ACADM: variants seen among roughly 807,000 people sequenced by gnomAD.
ACADM encodes medium-chain specific acyl-CoA dehydrogenase, mitochondrial.
A neutral mutation model predicts 58.9 loss-of-function variants in ACADM; 49 were observed. The observed-to-expected ratio is 0.83, with a 90% confidence interval of 0.66 to 1.06. The LOEUF is 1.06. Ranked by LOEUF, ACADM falls within the 50% of genes least tolerant of loss-of-function variation. ACADM has a pLI of 0.00. For missense variants in ACADM, 496 were observed against 507.0 expected, an observed-to-expected ratio of 0.98 and a Z score of 0.21; for synonymous variants, 160 against 157.7, an observed-to-expected ratio of 1.01 and a Z score of -0.11.
intron 6 of ACADM, among the ~76,000 whole-genome samples, chr1:75,736,309 A>C (rs1647263836): frequency 6.6e-6 from 1 of 152,168 alleles, no homozygotes; most frequent in Admixed American, 6.5e-5. Flanking sequence ...CAGTAGATGT[A>C]TTAGTTTTGA....
chr1:75,742,172 C>T (rs1647610279), intron 7 of ACADM, among the ~76,000 whole-genome samples: 1 of 148,740 alleles, frequency 6.7e-6, no homozygotes, highest in South Asian at 2.2e-4. Context: ...CCCCAGGCCT[C>T]ACTTCTTGGC....
At chr1:75,729,090 A>C (rs1647101404) in intron 2 of ACADM, among the ~76,000 whole-genome samples, 1 of 152,052 alleles carries the variant, frequency 6.6e-6, no homozygotes, top group Non-Finnish European at 1.5e-5. Flanking sequence ...CCATTTACTC[A>C]ATTTATTTGG....
At chr1:75,752,755 G>A (rs1369679358) in intron 10 of ACADM, among the ~76,000 whole-genome samples, 1 of 151,820 alleles carries the variant, frequency 6.6e-6, no homozygotes, top group East Asian at 1.9e-4. Flanking sequence ...AATTCTTTGG[G>A]TGCTAATCTT....
At position 75,728,156 on chromosome 1, in the gene ACADM, C is replaced by G. The variant is rs780758935; in HGVS notation, c.31-245C>G. ...GTTGTTTGTCCTAAACCCTCCACTTCAGTAGTATAAATACCACTGACTTTA... is the reference window on the plus strand; with the variant it reads ...GTTGTTTGTCCTAAACCCTCCACTTGAGTAGTATAAATACCACTGACTTTA... On this transcript the variant is annotated intron_variant, in intron 1 of 11. Transcript: ENST00000370841. Among the ~76,000 whole-genome samples the G allele has an allele frequency of 3.9e-5, 6 of 152,280 alleles. No homozygotes were observed. In the East Asian group the frequency reaches 1.2e-3, roughly 29 times the overall value.
chr1:75,745,806 GT>G lies in ACADM; in HGVS notation c.601del (p.Tyr201IlefsTer38), dbSNP rs772650083. ...WITNGGKANW[Y>X]FLLARSDPDP... is the part of the protein sequence containing the mutation. ...ATTATCCGGTATGTGTATCTCTTAG[GT>G]ATTTTTTATTGGCACGTTCTGATCC... On this transcript the variant is annotated frameshift_variant and splice_region_variant, in exon 8 of 12. Coordinates refer to ENST00000370841, the MANE Select transcript of ACADM (RefSeq NM_000016.6). LOFTEE classifies it high-confidence loss of function. 10 of 1,607,436 alleles carry G rather than the reference GT, an allele frequency of 6.2e-6. No individual in the cohort carries two copies. The South Asian group carries it at 1.1e-4, about 18-fold the overall frequency.
At chr1:75,744,238 A>G (rs537178566) in intron 7 of ACADM, 51 of 1,589,864 alleles carry the variant, frequency 3.2e-5, no homozygotes, top group Non-Finnish European at 3.9e-5. Context: ...TCGAGTGGGT[A>G]TGGGTGCTGC....
intron 7 of ACADM, chr1:75,744,264 C>A: frequency 3.7e-6 from 6 of 1,612,554 alleles, no homozygotes; most frequent in Non-Finnish European, 4.2e-6. Context: ...GAGGAACTGC[C>A]GCTGCTATAG....
intron 10 of ACADM, among the ~76,000 whole-genome samples, chr1:75,759,776 C>G (rs1036686826): frequency 6.6e-6 from 1 of 151,408 alleles, no homozygotes. Flanking sequence ...ATTCTTCTGC[C>G]TCAGCCTCCT....
chr1:75,726,800 CTTTTT>C, intron 1 of ACADM, among the ~76,000 whole-genome samples: 3 of 119,848 alleles, frequency 2.5e-5, no homozygotes, highest in East Asian at 2.3e-4. Flanking sequence ...AACTGTTTCA[CTTTTT>C]TTTTTTTTTT....
chr1:75,744,450 G>C, intron 7 of ACADM: 1 of 1,528,730 alleles, frequency 6.5e-7, no homozygotes, highest in Non-Finnish European at 9.1e-7. Context: ...CCAATGTCTT[G>C]TCAGTTTCAA....
At chr1:75,742,736 G>C (rs1232333858) in intron 7 of ACADM, among the ~76,000 whole-genome samples, 6 of 152,158 alleles carry the variant, frequency 3.9e-5, no homozygotes, top group African/African-American at 9.7e-5. Flanking sequence ...GATGGAGAGC[G>C]TGAGGGCAGA....
At chr1:75,749,356 T>C in intron 8 of ACADM, 63 bp from the exon 9 acceptor site, 2 of 1,578,674 alleles carry the variant, frequency 1.3e-6, no homozygotes, top group Non-Finnish European at 1.7e-6. Context: ...GAAACAGTGA[T>C]TAAAGCAAAA....
intron 6 of ACADM, among the ~76,000 whole-genome samples, chr1:75,736,140 A>T (rs1427298103): frequency 6.6e-6 from 1 of 150,424 alleles, no homozygotes; most frequent in African/African-American, 2.4e-5. Flanking sequence ...TTTAAATTAG[A>T]TTTTTTTAAC....
chr1:75,747,345 A>G (rs543424704), intron 8 of ACADM, among the ~76,000 whole-genome samples: 1 of 152,174 alleles, frequency 6.6e-6, no homozygotes, highest in Non-Finnish European at 1.5e-5. Context: ...TCTATCTATT[A>G]GGGATACAGT....
intron 9 of ACADM, 84 bp from the exon 10 acceptor site, chr1:75,750,367 A>G: frequency 8.8e-7 from 1 of 1,130,484 alleles, no homozygotes. Context: ...CTCTTTGTAC[A>G]CTCCCTAACA....
At chr1:75,729,251 G>T (rs1427536129) in intron 2 of ACADM, among the ~76,000 whole-genome samples, 6 of 128,434 alleles carry the variant, frequency 4.7e-5, no homozygotes, top group East Asian at 2.2e-4. Context: ...TTTCTTACCA[G>T]AATTTAATGA....
At chr1:75,734,946 T>C in intron 6 of ACADM, 75 bp downstream of exon 6, 1 of 1,082,798 alleles carries the variant, frequency 9.2e-7, no homozygotes, top group Non-Finnish European at 1.4e-6. Flanking sequence ...TTTCAGTCTA[T>C]ATGTATATAT....
At chr1:75,746,352 A>G (rs1362618312) in intron 8 of ACADM, among the ~76,000 whole-genome samples, 1 of 152,226 alleles carries the variant, frequency 6.6e-6, no homozygotes, top group Non-Finnish European at 1.5e-5. Context: ...TACAACACTA[A>G]GAAAAAAGTC....
At chr1:75,735,139 A>G (rs1259574990) in intron 6 of ACADM, among the ~76,000 whole-genome samples, 3 of 151,808 alleles carry the variant, frequency 2.0e-5, no homozygotes, top group Non-Finnish European at 4.4e-5. Flanking sequence ...AACGTGGTGA[A>G]ACCCCATCTC....
Sources: allele counts gnomAD v4.1 joint callset (sites outside exome capture counted in the v4.1 genomes callset), GRCh38; gene constraint gnomAD v4.1.1; transcripts MANE v1.5; gene names NCBI Gene and HGNC (gene_info 2026-07-23, HGNC 2026-07-21).